The following PTPRM variants were observed in gnomAD, a reference collection of about 807,000 sequenced individuals.
PTPRM encodes the protein protein tyrosine phosphatase receptor type M.
Under a neutral mutation model 186.7 loss-of-function variants are expected in PTPRM, and 47 were observed. The observed-to-expected ratio is 0.25, with a 90% CI of 0.20 to 0.32. The LOEUF is 0.32. PTPRM is among the 10% of genes least tolerant of loss of function. The pLI, the probability that PTPRM is intolerant of heterozygous loss-of-function variation, is 1.00. For missense variants in PTPRM, 1,494 were observed against 1,865.0 expected, an observed-to-expected ratio of 0.80 and a Z score of 3.66; for synonymous variants, 668 against 674.9, an observed-to-expected ratio of 0.99 and a Z score of 0.16.
At chr18:7,782,754 CA>C (rs1169666857) in intron 2 of PTPRM, among the ~76,000 whole-genome samples, 1 of 152,098 alleles carries the variant, frequency 6.6e-6, no homozygotes, top group Non-Finnish European at 1.5e-5. Flanking sequence ...TTTTTCTATA[CA>C]AAAACTTTCA....
At chr18:7,654,212 A>G (rs932971451) in intron 1 of PTPRM, among the ~76,000 whole-genome samples, 2 of 152,102 alleles carry the variant, frequency 1.3e-5, no homozygotes. Context: ...GATGCTGGAT[A>G]TTAGACTTTT....
At position 8,304,796 on chromosome 18, in the gene PTPRM, T is replaced by C. The variant is rs190708358; in HGVS notation, c.2842+8341T>C. 6.5e-3 allele frequency among the ~76,000 whole-genome samples: 971 copies of C among 150,340 alleles called. 6 individuals are homozygous for C. The highest frequency in any genetic ancestry group is 0.021 in the African/African-American group (836 of 40,482). ...TGTTTCATTCCAGTCTTCTTATTTT[T>C]CTATCTCTTGAAGCTGTTGACTTTA... is the stretch of plus-strand genomic sequence containing the variant. On this transcript the variant is annotated intron_variant, in intron 20 of 32. Coordinates refer to ENST00000580170, the MANE Select transcript of PTPRM (RefSeq NM_001105244.2).
At chr18:8,387,499 A>G (rs563280820) in intron 31 of PTPRM, among the ~76,000 whole-genome samples, 1 of 11,678 alleles carries the variant, frequency 8.6e-5, no homozygotes, top group East Asian at 2.9e-3. Context: ...GCCCACTGCC[A>G]AGAGGAAAAA....
intron 7 of PTPRM, among the ~76,000 whole-genome samples, chr18:7,985,000 ATTG>A (rs2082820956): frequency 1.6e-5 from 2 of 122,266 alleles, no homozygotes; most frequent in Non-Finnish European, 3.2e-5. Context: ...TATACATATA[ATTG>A]TATATACATA....
intron 22 of PTPRM, among the ~76,000 whole-genome samples, chr18:8,338,061 A>G (rs1167394221): frequency 1.3e-5 from 2 of 152,062 alleles, no homozygotes; most frequent in Non-Finnish European, 2.9e-5. Flanking sequence ...GTGAGTTGTC[A>G]TGGTGGCTGG....
At chr18:7,618,298 C>A (rs2037855342) in intron 1 of PTPRM, among the ~76,000 whole-genome samples, 1 of 152,134 alleles carries the variant, frequency 6.6e-6, no homozygotes, top group African/African-American at 2.4e-5. Context: ...GTGTTGTAAT[C>A]AACTAAGTTT....
intron 22 of PTPRM, among the ~76,000 whole-genome samples, chr18:8,327,596 T>TA (rs2148132400): frequency 6.6e-6 from 1 of 152,330 alleles, no homozygotes; most frequent in East Asian, 1.9e-4. Flanking sequence ...ACGCACCACT[T>TA]AGACAGTAGA....
At chr18:7,602,330 C>A (rs990581611) in intron 1 of PTPRM, among the ~76,000 whole-genome samples, 1 of 151,698 alleles carries the variant, frequency 6.6e-6, no homozygotes, top group African/African-American at 2.4e-5. Context: ...TAGGGAGGCA[C>A]AAATTAAAAG....
intron 1 of PTPRM, chr18:7,750,892 G>GGAACAAGGATGCT (rs1442652542): frequency 6.6e-6 from 1 of 152,200 alleles, no homozygotes; most frequent in Non-Finnish European, 1.5e-5. Flanking sequence ...CCTTGGGGTA[G>GGAACAAGGATGCT]GAACAAGGAT....
chr18:8,096,013 C>T (rs752398627), intron 11 of PTPRM, among the ~76,000 whole-genome samples: 5 of 152,182 alleles, frequency 3.3e-5, no homozygotes, highest in Admixed American at 2.0e-4. Context: ...TTTGTTGCTT[C>T]TCCTACCTTC....
intron 1 of PTPRM, among the ~76,000 whole-genome samples, chr18:7,654,524 T>C (rs973133155): frequency 6.6e-6 from 1 of 152,248 alleles, no homozygotes; most frequent in African/African-American, 2.4e-5. Flanking sequence ...ATGAAATCTT[T>C]GCCTTTTCCT....
chr18:7,717,300 C>T (rs892306420), intron 1 of PTPRM, among the ~76,000 whole-genome samples: 10 of 152,092 alleles, frequency 6.6e-5, no homozygotes, highest in African/African-American at 1.4e-4. Flanking sequence ...GATGGGACTA[C>T]GGCTGGATGT....
At chr18:7,954,363 C>T (rs2053177469) in intron 6 of PTPRM, among the ~76,000 whole-genome samples, 1 of 152,168 alleles carries the variant, frequency 6.6e-6, no homozygotes, top group African/African-American at 2.4e-5. Flanking sequence ...TGGAAGTTCC[C>T]TGAATGGCAG....
intron 5 of PTPRM, among the ~76,000 whole-genome samples, chr18:7,929,547 T>C (rs887425799): frequency 2.0e-5 from 3 of 152,248 alleles, no homozygotes; most frequent in East Asian, 3.8e-4. Context: ...AGTGAATCTT[T>C]GTGATGTTAG....
intron 14 of PTPRM, among the ~76,000 whole-genome samples, chr18:8,210,310 C>T: frequency 6.6e-6 from 1 of 150,558 alleles, no homozygotes; most frequent in East Asian, 2.0e-4. Flanking sequence ...GACTCTGCCT[C>T]AAAAAAAGGG....
At chr18:8,179,916 A>G (rs185357557) in intron 14 of PTPRM, among the ~76,000 whole-genome samples, 1 of 152,200 alleles carries the variant, frequency 6.6e-6, no homozygotes, top group African/African-American at 2.4e-5. Flanking sequence ...ATTAGACAAC[A>G]GTCATTTTCC....
At chr18:7,597,037 T>C (rs951036264) in intron 1 of PTPRM, among the ~76,000 whole-genome samples, 2 of 152,150 alleles carry the variant, frequency 1.3e-5, no homozygotes, top group Admixed American at 6.5e-5. Flanking sequence ...TATTTTTTAG[T>C]AGAGACTAGG....
intron 31 of PTPRM, 110 bp from the exon 32 acceptor site, chr18:8,394,366 C>T: frequency 1.6e-6 from 2 of 1,248,082 alleles, no homozygotes; most frequent in Non-Finnish European, 2.2e-6. Flanking sequence ...GGCCTCAGAG[C>T]CCTTTGTTGT....
chr18:8,137,626 C>A (rs1005250611), intron 13 of PTPRM, among the ~76,000 whole-genome samples: 5 of 152,176 alleles, frequency 3.3e-5, no homozygotes, highest in Admixed American at 1.3e-4. Context: ...GGCTGTCCTA[C>A]CCAGTGAGCA....
Sources: gnomAD v4.1 joint callset for allele counts (sites outside exome capture counted in the v4.1 genomes callset) on GRCh38, gnomAD v4.1.1 for gene constraint, MANE v1.5 for transcripts, NCBI Gene and HGNC (gene_info 2026-07-23, HGNC 2026-07-21) for gene names.